NR3C2: variants seen among roughly 807,000 people sequenced by gnomAD.
NR3C2 encodes nuclear receptor subfamily 3 group C member 2.
In NR3C2, 15 loss-of-function variants were observed where a neutral mutation model predicts 86.4. The ratio of observed to expected loss-of-function variants is 0.17; its 90% CI spans 0.12 to 0.27. The LOEUF (loss-of-function observed/expected upper bound fraction) is 0.27, where lower values mean the gene tolerates loss of function less well. NR3C2 is among the 10% of genes least tolerant of loss of function. The probability of loss-of-function intolerance (pLI) is 1.00; values close to 1 mark genes in which losing one functional copy is unlikely to be tolerated. For synonymous variants in NR3C2, 458 were observed against 450.5 expected, an observed-to-expected ratio of 1.02 and a Z score of -0.21; for missense variants, 960 against 1,195.6, an observed-to-expected ratio of 0.80 and a Z score of 2.91.
chr4:148,243,237 C>T (rs1171833715), intron 3 of NR3C2, among the ~76,000 whole-genome samples: 1 of 152,000 alleles, frequency 6.6e-6, no homozygotes, highest in African/African-American at 2.4e-5. Context: ...CTGTGTTACC[C>T]AAGCTAGTCT....
intron 8 of NR3C2, among the ~76,000 whole-genome samples, chr4:148,085,032 T>C (rs911416802): frequency 5.3e-5 from 8 of 151,964 alleles, no homozygotes; most frequent in East Asian, 1.9e-4. Flanking sequence ...CACAGAGACT[T>C]AGACTCCCAC....
intron 3 of NR3C2, among the ~76,000 whole-genome samples, chr4:148,204,067 C>A (rs1736875611): frequency 1.3e-5 from 2 of 152,052 alleles, no homozygotes; most frequent in Non-Finnish European, 2.9e-5. Context: ...AAACATTCTT[C>A]TTGTTGTGAA....
At chr4:148,253,254 C>G (rs896913902) in intron 3 of NR3C2, among the ~76,000 whole-genome samples, 1 of 152,182 alleles carries the variant, frequency 6.6e-6, no homozygotes, top group Non-Finnish European at 1.5e-5. Context: ...CAGATTCCCT[C>G]AATATCATGT....
rs887976181 is a variant in NR3C2, at chr4:148,128,256, A to G, written c.2511-7968T>C. 2.0e-5 allele frequency among the ~76,000 whole-genome samples: 3 copies of G among 152,204 alleles called. No individual in the cohort carries two copies. The East Asian group carries it at 5.8e-4, about 29-fold the overall frequency. On this transcript the variant is annotated intron_variant, in intron 6 of 8. Transcript: ENST00000358102. ...CCGTGTTGCCCTATTTCACATTATG[A>G]GACTAGTCCATTGAGCCTATCAGCC...
At chr4:148,281,492 C>A (rs1741239366) in intron 2 of NR3C2, among the ~76,000 whole-genome samples, 1 of 152,188 alleles carries the variant, frequency 6.6e-6, no homozygotes, top group African/African-American at 2.4e-5. Context: ...TCTTCCTTCA[C>A]AAATTTAGCA....
In NR3C2 at chr4:148,082,665, G is replaced by GTTTTTTT. The variant is rs11381991; in HGVS notation, c.2800-1173_2800-1167dup. Among the ~76,000 whole-genome samples, 18 of 130,920 alleles carry GTTTTTTT rather than the reference G, an allele frequency of 1.4e-4. 2 individuals are homozygous for GTTTTTTT. The highest frequency in any genetic ancestry group is 2.7e-4 in the South Asian group (1 of 3,746). 85.9% of individuals were successfully genotyped at this position (130,920 alleles called of 152,430 possible). ...TAGGGCAGACACTGAGCTAGCTGCA[G>GTTTTTTT]TTTTTTTTTTTTTTTTTCATACCCC... is the stretch of plus-strand genomic sequence containing the variant. On this transcript the variant is annotated intron_variant, in intron 8 of 8. Coordinates refer to ENST00000358102, the MANE Select transcript of NR3C2 (RefSeq NM_000901.5).
At chr4:148,300,587 C>CTTTTTTTTTTTTTTT (rs1561027556) in intron 2 of NR3C2, among the ~76,000 whole-genome samples, 1 of 67,830 alleles carries the variant, frequency 1.5e-5, no homozygotes, top group African/African-American at 4.7e-5. Flanking sequence ...CCTTGCTACT[C>CTTTTTTTTTTTTTTT]ATTTTTTTTT....
At position 148,152,596 on chromosome 4, in the gene NR3C2, G is replaced by A; in HGVS notation, c.2383C>T (p.Leu795Phe). Residue 795 changes from leucine (L) to phenylalanine (F), a missense_variant, in exon 6 of 9, where the codon CTT becomes TTT. Transcript: ENST00000358102. ...KVLPGFKNLP[L>F]EDQITLIQYS... ...TGGATTAGGGTAATTTGGTCCTCAA[G>A]AGGCAAGTTTTTAAATCCTGAAGAA... 6.2e-7 allele frequency: 1 copy of A among 1,614,024 alleles called. No individual in the cohort carries two copies. The highest frequency in any genetic ancestry group is 8.5e-7 in the Non-Finnish European group (1 of 1,179,904).
At chr4:148,343,401 C>T (rs1334928631) in intron 2 of NR3C2, among the ~76,000 whole-genome samples, 1 of 151,548 alleles carries the variant, frequency 6.6e-6, no homozygotes, top group East Asian at 1.9e-4. Context: ...GGATATCCGC[C>T]CCCCCGACCC....
chr4:148,412,261 GA>G (rs1200656432), intron 2 of NR3C2, among the ~76,000 whole-genome samples: 4 of 152,176 alleles, frequency 2.6e-5, no homozygotes, highest in Non-Finnish European at 1.5e-5. Flanking sequence ...TCTTTGCAGG[GA>G]GGGGTGGGTG....
chr4:148,180,798 C>T (rs949600406), intron 4 of NR3C2, among the ~76,000 whole-genome samples: 11 of 152,082 alleles, frequency 7.2e-5, no homozygotes, highest in Admixed American at 1.3e-4. Context: ...TTTATTGGCC[C>T]GTTAATATTG....
chr4:148,187,033 TATATATATATAA>T (rs1735955141), intron 4 of NR3C2, among the ~76,000 whole-genome samples: 2 of 130,830 alleles, frequency 1.5e-5, no homozygotes, highest in Non-Finnish European at 3.4e-5. Flanking sequence ...TATATATATA[TATATATATATAA>T]AGAAACTGTG....
intron 2 of NR3C2, among the ~76,000 whole-genome samples, chr4:148,309,546 G>C (rs1300281221): frequency 1.3e-5 from 2 of 148,606 alleles, no homozygotes; most frequent in African/African-American, 5.0e-5. Context: ...ATGGATAAAA[G>C]ATGCAGTGTT....
intron 2 of NR3C2, among the ~76,000 whole-genome samples, chr4:148,418,318 C>CCA: frequency 6.6e-6 from 1 of 151,976 alleles, no homozygotes; most frequent in East Asian, 1.9e-4. Context: ...GCTTTACTGC[C>CCA]CACACACACA....
At chr4:148,158,831 G>A (rs1460534570) in intron 4 of NR3C2, among the ~76,000 whole-genome samples, 1 of 152,108 alleles carries the variant, frequency 6.6e-6, no homozygotes, top group East Asian at 1.9e-4. Context: ...CATAAACCTA[G>A]GGAGCTGATT....
At chr4:148,280,856 G>C (rs1741198355) in intron 2 of NR3C2, among the ~76,000 whole-genome samples, 1 of 152,050 alleles carries the variant, frequency 6.6e-6, no homozygotes, top group South Asian at 2.1e-4. Context: ...GTTTCCTCTG[G>C]TAAACTCTAT....
chr4:148,358,618 T>C (rs1369542055), intron 2 of NR3C2, among the ~76,000 whole-genome samples: 1 of 90,422 alleles, frequency 1.1e-5, no homozygotes, highest in Non-Finnish European at 2.2e-5. Flanking sequence ...ACTTAAAGTA[T>C]AATAACAAAT....
At chr4:148,152,329 A>T (rs1734139017) in intron 6 of NR3C2, 140 bp downstream of exon 6, 1 of 852,116 alleles carries the variant, frequency 1.2e-6, no homozygotes, top group Admixed American at 2.4e-5. Flanking sequence ...GTTCCCAGAG[A>T]TCTGTAAATT....
chr4:148,303,052 A>T (rs188390236), intron 2 of NR3C2, among the ~76,000 whole-genome samples: 5 of 152,254 alleles, frequency 3.3e-5, no homozygotes, highest in Non-Finnish European at 5.9e-5. Context: ...AAGTAGAAAT[A>T]ATTATTCTTG....
Sources: allele counts gnomAD v4.1 joint callset (sites outside exome capture counted in the v4.1 genomes callset), GRCh38; gene constraint gnomAD v4.1.1; transcripts MANE v1.5; gene names NCBI Gene and HGNC (gene_info 2026-07-23, HGNC 2026-07-21).